The following SOS1 variants were observed in gnomAD, a reference collection of about 807,000 sequenced individuals.
SOS1 encodes son of sevenless homolog 1.
A neutral mutation model predicts 157.6 loss-of-function variants in SOS1; 25 were observed. That is an observed-to-expected ratio of 0.16 (90% CI 0.12 to 0.22). The LOEUF (loss-of-function observed/expected upper bound fraction) is 0.22, where lower values mean the gene tolerates loss of function less well. SOS1 is among the 10% of genes least tolerant of loss of function. The pLI, the probability that SOS1 is intolerant of heterozygous loss-of-function variation, is 1.00. For synonymous variants in SOS1, 528 were observed against 534.0 expected, an observed-to-expected ratio of 0.99 and a Z score of 0.16; for missense variants, 1,237 against 1,599.1, an observed-to-expected ratio of 0.77 and a Z score of 3.86.
chr2:38,986,154 A>G lies in SOS1; in HGVS notation c.3672T>C (p.Asp1224=). ...GATGTAGTGGTGAGCTTGAGAAAAC[A>G]TCAGGTGTCCTCACAGGTTCTCGTG... The part of the protein sequence containing the change: ...LPPREPVRTP[D]VFSSSPLHLQ... The change falls in exon 23 of 23, where the codon GAT becomes GAC. Residue 1224 remains aspartate, a synonymous_variant. Transcript: ENST00000402219. 6.2e-7 allele frequency: 1 copy of G among 1,613,854 alleles called. No homozygotes were observed. Among genetic ancestry groups the G allele is most frequent in the South Asian group, 1.1e-5 (1 of 91,066 alleles).
chr2:39,114,694 T>G (rs1275968992), intron 1 of SOS1, among the ~76,000 whole-genome samples: 1 of 151,996 alleles, frequency 6.6e-6, no homozygotes, highest in African/African-American at 2.4e-5. Flanking sequence ...AGCCTCCAAC[T>G]CCCAGGATTC....
intron 1 of SOS1, among the ~76,000 whole-genome samples, chr2:39,107,553 A>G (rs1171297299): frequency 1.3e-5 from 2 of 151,028 alleles, no homozygotes; most frequent in African/African-American, 4.9e-5. Context: ...CCTCACAAGC[A>G]TTTCACCTAA....
At chr2:39,089,332 A>G (rs1356380688) in intron 1 of SOS1, among the ~76,000 whole-genome samples, 1 of 152,118 alleles carries the variant, frequency 6.6e-6, no homozygotes, top group Non-Finnish European at 1.5e-5. Flanking sequence ...GGAGTTCAAG[A>G]CTAGACTGGC....
chr2:39,048,197 AT>A (rs1249953487), intron 6 of SOS1, among the ~76,000 whole-genome samples: 3 of 152,160 alleles, frequency 2.0e-5, no homozygotes, highest in Admixed American at 2.0e-4. Flanking sequence ...AAGAACACTT[AT>A]GCTTTCTTCT....
intron 1 of SOS1, among the ~76,000 whole-genome samples, chr2:39,079,040 A>G (rs1672112025): frequency 1.8e-5 from 1 of 55,322 alleles, no homozygotes; most frequent in African/African-American, 7.9e-5. Context: ...AGCCTGGGTG[A>G]CAAGAGGGAG....
Position 38,985,717 on chromosome 2 carries a change from A to C in SOS1, c.*107T>G, listed in dbSNP as rs981848673. 5 of 1,045,252 alleles carry C rather than the reference A, an allele frequency of 4.8e-6. No individual in the cohort carries two copies. The highest frequency in any genetic ancestry group is 1.8e-5 in the Admixed American group (1 of 57,102). 64.7% of individuals were successfully genotyped at this position (1,045,252 alleles called of 1,614,324 possible). Reference sequence around the variant, plus strand: ...TACTGCATCTTGAAGAAGAGTCGTTAGTGTTTGGAGTTCTCATTTTAACTC... The same window carrying C: ...TACTGCATCTTGAAGAAGAGTCGTTCGTGTTTGGAGTTCTCATTTTAACTC... On this transcript the variant is annotated 3_prime_UTR_variant, in exon 23 of 23. Coordinates refer to ENST00000402219, the MANE Select transcript of SOS1 (RefSeq NM_005633.4).
At chr2:39,046,898 ATAATGAG>A (rs1342912459) in intron 6 of SOS1, among the ~76,000 whole-genome samples, 1 of 152,236 alleles carries the variant, frequency 6.6e-6, no homozygotes, top group East Asian at 1.9e-4. Flanking sequence ...AATGCATCTT[ATAATGAG>A]TGTCTACAAG....
chr2:39,050,030 G>A (rs1173772812), intron 6 of SOS1, among the ~76,000 whole-genome samples: 1 of 152,116 alleles, frequency 6.6e-6, no homozygotes, highest in Non-Finnish European at 1.5e-5. Flanking sequence ...TTGTTTTCAA[G>A]TCTAGTTATA....
intron 1 of SOS1, among the ~76,000 whole-genome samples, chr2:39,097,568 T>TG (rs971637371): frequency 6.6e-6 from 1 of 151,966 alleles, no homozygotes; most frequent in African/African-American, 2.4e-5. Flanking sequence ...TCTTTTTTTT[T>TG]TTTTATTGAG....
At position 38,982,801 on chromosome 2, in the gene SOS1, A is replaced by G. The variant is rs1668442134; in HGVS notation, c.*3023T>C. The G allele has an allele frequency of 1.3e-5, 2 of 152,072 alleles. No individual in the cohort carries two copies. The highest frequency in any genetic ancestry group is 6.6e-5 in the Admixed American group (1 of 15,252). 9.4% of individuals were successfully genotyped at this position (152,072 alleles called of 1,614,324 possible). ...AAGATCATGACCATAAATACCAACT[A>G]ATTTTTGGTTTACATAAGGTAATTT... On this transcript the variant is annotated 3_prime_UTR_variant, in exon 23 of 23. Transcript: ENST00000402219.
intron 1 of SOS1, among the ~76,000 whole-genome samples, chr2:39,105,360 A>C (rs924927208): frequency 6.6e-6 from 1 of 151,828 alleles, no homozygotes. Flanking sequence ...CCTGGCCTCA[A>C]GCTGGTACAG....
intron 1 of SOS1, among the ~76,000 whole-genome samples, chr2:39,074,463 C>A (rs992610670): frequency 6.6e-6 from 1 of 151,934 alleles, no homozygotes; most frequent in East Asian, 1.9e-4. Flanking sequence ...GTAGTCCCAA[C>A]TGAGGCAGGA....
Position 39,062,431 on chromosome 2 carries a change from A to AT in SOS1, c.214-3628_214-3627insA, listed in dbSNP as rs1352014843. Among the ~76,000 whole-genome samples the AT allele has an allele frequency of 3.0e-4, 44 of 148,960 alleles. 2 individuals carry two copies. Among genetic ancestry groups the AT allele is most frequent in the Non-Finnish European group, 4.3e-4 (29 of 67,144 alleles). On this transcript the variant is annotated intron_variant, in intron 2 of 22. Coordinates refer to ENST00000402219, the MANE Select transcript of SOS1 (RefSeq NM_005633.4). ...AGTCTCTGTCTCAAAATAAAAAAAA[A>AT]AATTAAAAAAAAAAAGAAAAGAAAA... is the stretch of plus-strand genomic sequence containing the variant.
At chr2:39,115,609 T>A (rs905997756) in intron 1 of SOS1, among the ~76,000 whole-genome samples, 1 of 151,958 alleles carries the variant, frequency 6.6e-6, no homozygotes, top group Non-Finnish European at 1.5e-5. Flanking sequence ...GCTAATTTTT[T>A]AAGTTTTTTG....
At chr2:39,037,808 C>T (rs779612833) in intron 6 of SOS1, among the ~76,000 whole-genome samples, 4 of 152,060 alleles carry the variant, frequency 2.6e-5, no homozygotes, top group Admixed American at 6.6e-5. Context: ...TGTGCTAAAT[C>T]TACTCTGGGT....
chr2:39,012,021 T>C (rs1423296455), intron 14 of SOS1, 105 bp downstream of exon 14: 1 of 852,472 alleles, frequency 1.2e-6, no homozygotes, highest in Admixed American at 1.9e-5. Context: ...TCATGTAATA[T>C]TTCAGTTAAG....
intron 8 of SOS1, among the ~76,000 whole-genome samples, chr2:39,030,531 C>G (rs938564200): frequency 1.2e-4 from 19 of 152,182 alleles, no homozygotes; most frequent in Non-Finnish European, 1.2e-4. Context: ...GATCATACCA[C>G]TGCGCTCCAG....
intron 1 of SOS1, among the ~76,000 whole-genome samples, chr2:39,088,874 G>T (rs1329735611): frequency 6.6e-6 from 1 of 151,800 alleles, no homozygotes; most frequent in African/African-American, 2.4e-5. Context: ...TTAGTTTTTT[G>T]ATGAACTGCC....
chr2:39,045,749 G>A (rs768013348), intron 6 of SOS1, among the ~76,000 whole-genome samples: 11 of 151,896 alleles, frequency 7.2e-5, no homozygotes, highest in Non-Finnish European at 1.2e-4. Context: ...TTGCTCTGTC[G>A]CCCAGGCTGG....
Sources: gnomAD v4.1 joint callset for allele counts (sites outside exome capture counted in the v4.1 genomes callset) on GRCh38, gnomAD v4.1.1 for gene constraint, MANE v1.5 for transcripts, NCBI Gene and HGNC (gene_info 2026-07-23, HGNC 2026-07-21) for gene names.